Variants in ICA1 observed in about 807,000 individuals in gnomAD.
ICA1 encodes the protein islet cell autoantigen 1, also known as 69 kDa islet cell autoantigen.
In ICA1, 40 loss-of-function variants were observed where a neutral mutation model predicts 71.0. The observed-to-expected ratio is 0.56, with a 90% CI of 0.44 to 0.73. The LOEUF is 0.73. Among genes scored for constraint, ICA1 ranks in the 30% least tolerant of loss-of-function variants. ICA1 has a pLI of 0.00. For synonymous variants in ICA1, 207 were observed against 209.5 expected (o/e 0.99, Z 0.10); for missense variants, 578 against 576.5 (o/e 1.00, Z -0.03).
intron 6 of ICA1, among the ~76,000 whole-genome samples, chr7:8,170,213 T>G (rs1200762339): frequency 4.6e-5 from 7 of 152,066 alleles, no homozygotes; most frequent in Non-Finnish European, 8.8e-5. Context: ...ATGTCTGTCC[T>G]TATGCCAATA....
intron 1 of ICA1, among the ~76,000 whole-genome samples, chr7:8,248,204 TGTTG>T (rs1447862298): frequency 6.6e-6 from 1 of 152,224 alleles, no homozygotes; most frequent in African/African-American, 2.4e-5. Context: ...GTAGCTTTTC[TGTTG>T]GTTGGAGTAC....
Position 8,208,762 on chromosome 7 carries a change from G to T in ICA1, c.579+9543C>A, listed in dbSNP as rs75585029. Among the ~76,000 whole-genome samples the T allele has an allele frequency of 1.4e-3, 206 of 152,328 alleles. 1 individual carries two copies. In the East Asian group the frequency reaches 0.034, roughly 25 times the overall value. On this transcript the variant is annotated intron_variant, in intron 6 of 13. Coordinates refer to ENST00000402384, the MANE Select transcript of ICA1 (RefSeq NM_001136020.3). ...CCTTCTTCAGGAGCTACCAAAAAGAGACAGAGGCCAGCGGAACAGTCAGTG... is the reference window on the plus strand; with the variant it reads ...CCTTCTTCAGGAGCTACCAAAAAGATACAGAGGCCAGCGGAACAGTCAGTG...
intron 1 of ICA1, among the ~76,000 whole-genome samples, chr7:8,239,474 C>A (rs920562665): frequency 1.1e-4 from 16 of 152,304 alleles, no homozygotes; most frequent in African/African-American, 3.8e-4. Flanking sequence ...CAGCTCCCAG[C>A]GTGGCTGACG....
chr7:8,135,618 G>A (rs150935096), intron 12 of ICA1, among the ~76,000 whole-genome samples: 2 of 152,302 alleles, frequency 1.3e-5, no homozygotes, highest in African/African-American at 2.4e-5. Flanking sequence ...AGGTAAACAT[G>A]TATGACTGCT....
intron 6 of ICA1, among the ~76,000 whole-genome samples, chr7:8,212,654 G>A (rs2128388085): frequency 6.6e-6 from 1 of 152,294 alleles, no homozygotes; most frequent in Admixed American, 6.5e-5. Flanking sequence ...AACTGCAATA[G>A]GCCTATCGGA....
At chr7:8,188,819 C>T (rs1443891036) in intron 6 of ICA1, among the ~76,000 whole-genome samples, 1 of 152,140 alleles carries the variant, frequency 6.6e-6, no homozygotes, top group Non-Finnish European at 1.5e-5. Flanking sequence ...CAGGGCAGTA[C>T]TTACAGGAAT....
chr7:8,141,756 A>C lies in ICA1; in HGVS notation c.955+9T>G. On this transcript the variant is annotated intron_variant, in intron 10 of 13. Coordinates refer to ENST00000402384, the MANE Select transcript of ICA1 (RefSeq NM_001136020.3). ...TCAGAAGCAATTCTAAATAAAAATCAAAACTTACTCTTAAAACTAGAGGAT... is the reference window on the plus strand; with the variant it reads ...TCAGAAGCAATTCTAAATAAAAATCCAAACTTACTCTTAAAACTAGAGGAT... 6.6e-7 allele frequency: 1 copy of C among 1,513,440 alleles called. No individual in the cohort carries two copies. Among genetic ancestry groups the C allele is most frequent in the East Asian group, 2.3e-5 (1 of 44,276 alleles). The allele number at this position is 1,513,440 out of a possible 1,614,324, so 93.8% of individuals were successfully genotyped here. A position where few individuals can be genotyped will look rare whatever the true frequency, so the allele number is the denominator to read the frequency against.
At chr7:8,149,619 G>C (rs796181508) in intron 8 of ICA1, among the ~76,000 whole-genome samples, 23 of 152,322 alleles carry the variant, frequency 1.5e-4, no homozygotes, top group African/African-American at 5.5e-4. Flanking sequence ...AAATTTCACA[G>C]ACACAAGGCC....
In ICA1 at chr7:8,226,416, T is replaced by A. The variant is rs140084461; in HGVS notation, c.256+2185A>T. Among the ~76,000 whole-genome samples, 360 of 152,284 alleles carry A rather than the reference T, an allele frequency of 2.4e-3. 2 individuals are homozygous for A. The highest frequency in any genetic ancestry group is 8.2e-3 in the African/African-American group (339 of 41,552). On this transcript the variant is annotated intron_variant, in intron 4 of 13. Transcript: ENST00000402384. The surrounding 1 kb of genome is among the most constrained non-coding windows in gnomAD (Gnocchi z 4.4). Reference sequence around the variant, plus strand: ...TGGTAATACACACACTCTCCATATATTACCTTTTTTTACATTTATATTTTA... The same window carrying A: ...TGGTAATACACACACTCTCCATATAATACCTTTTTTTACATTTATATTTTA...
intron 6 of ICA1, among the ~76,000 whole-genome samples, chr7:8,189,176 G>A (rs554935008): frequency 6.6e-6 from 1 of 152,140 alleles, no homozygotes; most frequent in Admixed American, 6.6e-5. Flanking sequence ...TGAGTGCTGG[G>A]ATCTGTATTA....
At chr7:8,227,777 G>T (rs1258995489) in intron 4 of ICA1, 2 of 417,660 alleles carry the variant, frequency 4.8e-6, no homozygotes, top group South Asian at 1.7e-5. Context: ...TAGAGATGGG[G>T]GTCTCACTTT....
chr7:8,160,339 C>T (rs1024053345), intron 6 of ICA1, among the ~76,000 whole-genome samples: 2 of 152,090 alleles, frequency 1.3e-5, no homozygotes, highest in Non-Finnish European at 2.9e-5. Context: ...ATTTACTTAT[C>T]ACATGTCAGC....
At chr7:8,188,238 C>T (rs185287230) in intron 6 of ICA1, among the ~76,000 whole-genome samples, 53 of 152,292 alleles carry the variant, frequency 3.5e-4, no homozygotes, top group African/African-American at 1.3e-3. Context: ...TTTGAGAGTA[C>T]AGGAAAGTTA....
intron 8 of ICA1, 122 bp downstream of exon 8, chr7:8,156,994 A>T: frequency 6.3e-7 from 1 of 1,589,192 alleles, no homozygotes; most frequent in African/African-American, 1.3e-5. Flanking sequence ...CTGGGGGCAC[A>T]GTTCTCTCTT....
intron 6 of ICA1, among the ~76,000 whole-genome samples, chr7:8,171,430 T>A (rs1192289152): frequency 6.6e-6 from 1 of 151,942 alleles, no homozygotes; most frequent in African/African-American, 2.4e-5. Context: ...TGGCTTAAAG[T>A]TGTTCATAAT....
intron 4 of ICA1, among the ~76,000 whole-genome samples, chr7:8,225,590 G>C (rs78163356): frequency 0.037 from 5,634 of 152,232 alleles, 242 homozygotes; most frequent in African/African-American, 0.099. Flanking sequence ...CACTGCTATG[G>C]AGCGTTAGTG....
intron 1 of ICA1, among the ~76,000 whole-genome samples, chr7:8,260,211 G>A (rs1048364654): frequency 1.3e-5 from 2 of 152,068 alleles, no homozygotes; most frequent in South Asian, 4.1e-4. Context: ...TACCGCTAAT[G>A]CTGCTTGCAC....
intron 1 of ICA1, among the ~76,000 whole-genome samples, chr7:8,241,911 T>A (rs912758339): frequency 6.6e-6 from 1 of 152,184 alleles, no homozygotes; most frequent in Non-Finnish European, 1.5e-5. Flanking sequence ...CCCAGATTCA[T>A]AAAGCAAATC....
intron 1 of ICA1, among the ~76,000 whole-genome samples, chr7:8,252,409 C>G (rs1002505547): frequency 6.6e-6 from 1 of 152,140 alleles, no homozygotes; most frequent in South Asian, 2.1e-4. Flanking sequence ...AAGGCTCTTA[C>G]AAATCTTACT....
Sources: allele counts gnomAD v4.1 joint callset (sites outside exome capture counted in the v4.1 genomes callset), GRCh38; gene constraint gnomAD v4.1.1; non-coding constraint Gnocchi (gnomAD v3.1); transcripts MANE v1.5; gene names NCBI Gene and HGNC (gene_info 2026-07-23, HGNC 2026-07-21).